NUMB: variants seen among roughly 807,000 people sequenced by gnomAD.
The protein encoded by NUMB is protein numb homolog.
A neutral mutation model predicts 59.7 loss-of-function variants in NUMB; 29 were observed. The observed-to-expected ratio is 0.49, with a 90% CI of 0.36 to 0.66. The LOEUF (loss-of-function observed/expected upper bound fraction) is 0.66, where lower values mean the gene tolerates loss of function less well. Among genes scored for constraint, NUMB ranks in the 30% least tolerant of loss-of-function variants. NUMB has a pLI of 0.00. For synonymous variants in NUMB, 288 were observed against 288.2 expected, an observed-to-expected ratio of 1.00 and a Z score of 0.01; for missense variants, 723 against 822.0, an observed-to-expected ratio of 0.88 and a Z score of 1.47.
At chr14:73,392,145 C>T (rs547482732) in intron 2 of NUMB, among the ~76,000 whole-genome samples, 19 of 152,226 alleles carry the variant, frequency 1.2e-4, no homozygotes, top group African/African-American at 4.6e-4. Context: ...CCTTGATTAC[C>T]TGAAGAAAGC....
chr14:73,370,759 T>C (rs968206493), intron 2 of NUMB, among the ~76,000 whole-genome samples: 10 of 152,180 alleles, frequency 6.6e-5, no homozygotes, highest in Admixed American at 1.3e-4. Context: ...TTCTGCATGA[T>C]CAGCATTTCC....
chr14:73,388,442 G>T (rs1427632299), intron 2 of NUMB, among the ~76,000 whole-genome samples: 1 of 152,072 alleles, frequency 6.6e-6, no homozygotes, highest in Admixed American at 6.6e-5. Flanking sequence ...TTTAATGATT[G>T]TATTATAGCA....
At chr14:73,303,089 G>A (rs1168557250) in intron 6 of NUMB, among the ~76,000 whole-genome samples, 3 of 151,950 alleles carry the variant, frequency 2.0e-5, no homozygotes, top group South Asian at 2.1e-4. Flanking sequence ...GTGGTAGCAG[G>A]TGCCTGTAAT....
At chr14:73,369,040 T>A (rs1427619164) in intron 2 of NUMB, among the ~76,000 whole-genome samples, 1 of 97,802 alleles carries the variant, frequency 1.0e-5, no homozygotes, top group Admixed American at 1.3e-4. Flanking sequence ...TAATAGAACA[T>A]TTTCTTTTTT....
chr14:73,338,667 C>T (rs767467149), intron 4 of NUMB, among the ~76,000 whole-genome samples: 7 of 152,142 alleles, frequency 4.6e-5, no homozygotes, highest in Non-Finnish European at 8.8e-5. Flanking sequence ...CTTTATAAGG[C>T]CCTACACCAG....
intron 2 of NUMB, among the ~76,000 whole-genome samples, chr14:73,383,376 A>C (rs1222370060): frequency 6.6e-6 from 1 of 152,226 alleles, no homozygotes; most frequent in Non-Finnish European, 1.5e-5. Context: ...TGCTTTTAAT[A>C]GCAGACTGAA....
chr14:73,373,570 G>A (rs1894805677), intron 2 of NUMB, among the ~76,000 whole-genome samples: 1 of 152,060 alleles, frequency 6.6e-6, no homozygotes, highest in African/African-American at 2.4e-5. Context: ...AAATTATATA[G>A]CTAGTTATAA....
chr14:73,349,577 G>GAA (rs71112731), intron 4 of NUMB, among the ~76,000 whole-genome samples: 5 of 127,532 alleles, frequency 3.9e-5, no homozygotes, highest in Non-Finnish European at 6.6e-5. Flanking sequence ...TCCATCTCAA[G>GAA]AAAAAAAAAA....
At chr14:73,435,970 C>A (rs563847090) in intron 1 of NUMB, among the ~76,000 whole-genome samples, 2 of 149,996 alleles carry the variant, frequency 1.3e-5, no homozygotes, top group Admixed American at 1.3e-4. Context: ...CGCACCACTG[C>A]ACTCTAGCCT....
At chr14:73,281,636 T>C (rs574523309) in intron 11 of NUMB, 1 of 152,250 alleles carries the variant, frequency 6.6e-6, no homozygotes, top group Non-Finnish European at 1.5e-5. Context: ...TGAGTCAATA[T>C]CCACTATTTA....
At chr14:73,429,764 G>A (rs966844605) in intron 1 of NUMB, among the ~76,000 whole-genome samples, 7 of 152,074 alleles carry the variant, frequency 4.6e-5, no homozygotes, top group East Asian at 1.9e-4. Flanking sequence ...CCAACATGGT[G>A]AAACCCCGTC....
chr14:73,426,080 G>A (rs1039302753), intron 1 of NUMB, among the ~76,000 whole-genome samples: 4 of 152,032 alleles, frequency 2.6e-5, no homozygotes, highest in Non-Finnish European at 5.9e-5. Context: ...AAAGTGCTGG[G>A]ATTACAGACA....
intron 1 of NUMB, among the ~76,000 whole-genome samples, chr14:73,450,055 G>A (rs1400191503): frequency 6.6e-6 from 1 of 152,142 alleles, no homozygotes; most frequent in African/African-American, 2.4e-5. Flanking sequence ...TACAATAACA[G>A]TATCTGGAAT....
chr14:73,333,836 C>T (rs1892131349), intron 4 of NUMB, among the ~76,000 whole-genome samples: 1 of 150,644 alleles, frequency 6.6e-6, no homozygotes, highest in African/African-American at 2.4e-5. Flanking sequence ...CCTATGCTTC[C>T]TTTGAAGAAT....
At chr14:73,426,297 A>C (rs1288178161) in intron 1 of NUMB, among the ~76,000 whole-genome samples, 2 of 152,196 alleles carry the variant, frequency 1.3e-5, no homozygotes, top group Admixed American at 6.5e-5. Context: ...TAAGTAATAC[A>C]AATGCAAAGT....
intron 2 of NUMB, among the ~76,000 whole-genome samples, chr14:73,389,365 C>T (rs1318450244): frequency 1.3e-5 from 2 of 149,412 alleles, no homozygotes; most frequent in East Asian, 4.0e-4. Flanking sequence ...CGGAGTCCTG[C>T]TCTGTCACCC....
chr14:73,369,190 C>T (rs1409625902), intron 2 of NUMB, among the ~76,000 whole-genome samples: 2 of 151,784 alleles, frequency 1.3e-5, no homozygotes, highest in African/African-American at 2.4e-5. Flanking sequence ...TACAGGTGCT[C>T]GCCACCACAC....
At chr14:73,315,685 T>C (rs1018049108) in intron 6 of NUMB, among the ~76,000 whole-genome samples, 4 of 152,188 alleles carry the variant, frequency 2.6e-5, no homozygotes, top group African/African-American at 9.6e-5. Context: ...TTGCACTGAA[T>C]GTAAACTTTG....
chr14:73,282,824 A>G (rs1426405980), intron 10 of NUMB, among the ~76,000 whole-genome samples: 1 of 152,200 alleles, frequency 6.6e-6, no homozygotes, highest in African/African-American at 2.4e-5. Context: ...CAAGATGTTC[A>G]GCTAGCCAGA....
Sources: gnomAD v4.1 joint callset for allele counts (sites outside exome capture counted in the v4.1 genomes callset) on GRCh38, gnomAD v4.1.1 for gene constraint, MANE v1.5 for transcripts, NCBI Gene and HGNC (gene_info 2026-07-23, HGNC 2026-07-21) for gene names.